The following GUCY1A2 variants were observed in gnomAD, a reference collection of about 807,000 sequenced individuals.
GUCY1A2 encodes the protein guanylate cyclase soluble subunit alpha-2.
A neutral mutation model predicts 63.5 loss-of-function variants in GUCY1A2; 27 were observed. The observed-to-expected ratio is 0.43, with a 90% CI of 0.31 to 0.59. GUCY1A2 has a LOEUF of 0.59. GUCY1A2 is among the 20% of genes least tolerant of loss of function. The pLI, the probability that GUCY1A2 is intolerant of heterozygous loss-of-function variation, is 0.11. For missense variants in GUCY1A2, 768 were observed against 913.3 expected (o/e 0.84, Z 2.05); for synonymous variants, 364 against 343.5 (o/e 1.06, Z -0.66).
rs1450182822 is a variant in GUCY1A2, at chr11:106,935,207, C to G, written c.1206+4253G>C. Among the ~76,000 whole-genome samples, 3 of 152,090 alleles carry G rather than the reference C, an allele frequency of 2.0e-5. No homozygotes were observed. In the East Asian group the frequency reaches 5.8e-4, roughly 29 times the overall value. ...CAATATTTCTCTAAAATTATCAAACCTACTGATACCTGGTGCTTTCATCTA... is the reference window on the plus strand; with the variant it reads ...CAATATTTCTCTAAAATTATCAAACGTACTGATACCTGGTGCTTTCATCTA... On this transcript the variant is annotated intron_variant, in intron 4 of 7. Coordinates refer to ENST00000526355, the MANE Select transcript of GUCY1A2 (RefSeq NM_000855.3).
chr11:106,894,814 A>G (rs1023316989), intron 4 of GUCY1A2, among the ~76,000 whole-genome samples: 1 of 152,180 alleles, frequency 6.6e-6, no homozygotes, highest in Non-Finnish European at 1.5e-5. Context: ...GAAAAGATCT[A>G]AGATCAATTA....
In GUCY1A2 at chr11:106,680,293, T is replaced by C. The variant is rs1434994252; in HGVS notation, c.*7256A>G. 2 of 206,044 alleles carry C rather than the reference T, an allele frequency of 9.7e-6. No individual in the cohort carries two copies. Among genetic ancestry groups the C allele is most frequent in the East Asian group, 7.4e-5 (1 of 13,472 alleles). 12.8% of individuals were successfully genotyped at this position (206,044 alleles called of 1,614,324 possible). On this transcript the variant is annotated 3_prime_UTR_variant, in exon 8 of 8. Coordinates refer to ENST00000526355, the MANE Select transcript of GUCY1A2 (RefSeq NM_000855.3). ...TATTACTTTCCTCTTAGATATAGGT[T>C]TAATGACATTTAATAGACCACAGTA... is the stretch of plus-strand genomic sequence containing the variant.
intron 1 of GUCY1A2, among the ~76,000 whole-genome samples, chr11:107,016,368 G>T (rs1388600662): frequency 6.6e-6 from 1 of 152,240 alleles, no homozygotes; most frequent in Non-Finnish European, 1.5e-5. Context: ...AATTCTGTCT[G>T]CAACAGAGTG....
At chr11:106,787,602 A>AGGGGGAGGGGGG (rs1565289927) in intron 5 of GUCY1A2, among the ~76,000 whole-genome samples, 7 of 39,944 alleles carry the variant, frequency 1.8e-4, no homozygotes, top group East Asian at 6.8e-4. Flanking sequence ...GGGAAGGGAA[A>AGGGGGAGGGGGG]AAGAGAAAGA....
chr11:106,890,073 C>T (rs567512268), intron 4 of GUCY1A2, among the ~76,000 whole-genome samples: 1 of 152,240 alleles, frequency 6.6e-6, no homozygotes, highest in African/African-American at 2.4e-5. Context: ...CTGGCCCATG[C>T]TGCCCTTTCT....
At chr11:106,985,985 G>A (rs1053868920) in intron 2 of GUCY1A2, 85 bp downstream of exon 2, 10 of 790,202 alleles carry the variant, frequency 1.3e-5, no homozygotes, top group Middle Eastern at 2.9e-4. Context: ...GACCTGGGTA[G>A]CAGAAAATCA....
At chr11:106,988,814 C>G (rs908675488) in intron 1 of GUCY1A2, among the ~76,000 whole-genome samples, 1 of 152,220 alleles carries the variant, frequency 6.6e-6, no homozygotes, top group Admixed American at 6.5e-5. Flanking sequence ...CTCCGAATAT[C>G]TTATCACCAT....
chr11:106,909,031 A>T (rs550870682), intron 4 of GUCY1A2, among the ~76,000 whole-genome samples: 1 of 152,162 alleles, frequency 6.6e-6, no homozygotes, highest in African/African-American at 2.4e-5. Context: ...TTTAAATACC[A>T]ACCAGGAATA....
chr11:106,876,290 A>G (rs1213669894), intron 4 of GUCY1A2, among the ~76,000 whole-genome samples: 2 of 152,076 alleles, frequency 1.3e-5, no homozygotes, highest in South Asian at 2.1e-4. Context: ...GGGAAAGACA[A>G]TGAGGAAGCA....
At chr11:106,833,280 C>A (rs768070462) in intron 4 of GUCY1A2, among the ~76,000 whole-genome samples, 5 of 152,036 alleles carry the variant, frequency 3.3e-5, no homozygotes, top group Admixed American at 6.6e-5. Context: ...AGGTTACATT[C>A]AGAGATACTG....
At chr11:106,825,588 A>G (rs1035956488) in intron 4 of GUCY1A2, among the ~76,000 whole-genome samples, 5 of 151,800 alleles carry the variant, frequency 3.3e-5, no homozygotes, top group Non-Finnish European at 7.4e-5. Context: ...TTCTTTTGAC[A>G]TAACTATCTT....
At chr11:106,946,577 T>A (rs1860832268) in intron 3 of GUCY1A2, among the ~76,000 whole-genome samples, 1 of 152,050 alleles carries the variant, frequency 6.6e-6, no homozygotes, top group Admixed American at 6.6e-5. Context: ...AGGGGCAATA[T>A]TAATATCAAC....
intron 1 of GUCY1A2, among the ~76,000 whole-genome samples, chr11:107,014,079 C>CTTTT (rs71044206): frequency 4.3e-4 from 30 of 70,018 alleles, no homozygotes; most frequent in African/African-American, 1.0e-3. Flanking sequence ...CCATGTTTTC[C>CTTTT]TTTTTTTTTT....
At chr11:106,926,908 T>G (rs771522489) in intron 4 of GUCY1A2, among the ~76,000 whole-genome samples, 6 of 151,014 alleles carry the variant, frequency 4.0e-5, no homozygotes, top group Non-Finnish European at 8.9e-5. Flanking sequence ...CTATTTTCTC[T>G]ATTTTTAAAC....
intron 4 of GUCY1A2, among the ~76,000 whole-genome samples, chr11:106,910,870 A>G (rs1337930015): frequency 1.3e-5 from 2 of 152,070 alleles, no homozygotes; most frequent in African/African-American, 4.8e-5. Flanking sequence ...AACCTACCCT[A>G]GCTAACATAA....
At chr11:106,762,721 C>T (rs1864087074) in intron 6 of GUCY1A2, among the ~76,000 whole-genome samples, 1 of 151,944 alleles carries the variant, frequency 6.6e-6, no homozygotes, top group African/African-American at 2.4e-5. Context: ...TTTTAATTGG[C>T]ATGAATTCTT....
At chr11:106,933,627 C>A (rs1860635153) in intron 4 of GUCY1A2, among the ~76,000 whole-genome samples, 1 of 152,122 alleles carries the variant, frequency 6.6e-6, no homozygotes, top group African/African-American at 2.4e-5. Flanking sequence ...TCATTCTACT[C>A]AAAAGACACT....
In GUCY1A2 at chr11:106,725,152, C is replaced by CTTTTTTTTTTTTTTTTTTTT. The variant is rs773251118; in HGVS notation, c.1837-16506_1837-16487dup. On this transcript the variant is annotated intron_variant, in intron 6 of 7. Transcript: ENST00000526355. ...ATGTATCTTCTTATTGACATAAATT[C>CTTTTTTTTTTTTTTTTTTTT]TTTTTTTTTTTTTTTTTTTTTTTTT... 8.7e-5 allele frequency among the ~76,000 whole-genome samples: 2 copies of CTTTTTTTTTTTTTTTTTTTT among 22,988 alleles called. 1 individual carries two copies. Among genetic ancestry groups the CTTTTTTTTTTTTTTTTTTTT allele is most frequent in the African/African-American group, 3.5e-4 (2 of 5,700 alleles). The allele number at this position is 22,988 out of a possible 152,430, so 15.1% of individuals were successfully genotyped here. A position where few individuals can be genotyped will look rare whatever the true frequency, so the allele number is the denominator to read the frequency against.
intron 6 of GUCY1A2, among the ~76,000 whole-genome samples, chr11:106,771,989 A>C (rs1195941493): frequency 2.6e-5 from 4 of 152,180 alleles, no homozygotes; most frequent in African/African-American, 7.2e-5. Flanking sequence ...TATAGTCCAG[A>C]AGTAGCCTCT....
Sources: allele counts gnomAD v4.1 joint callset (sites outside exome capture counted in the v4.1 genomes callset), GRCh38; gene constraint gnomAD v4.1.1; transcripts MANE v1.5; gene names NCBI Gene and HGNC (gene_info 2026-07-23, HGNC 2026-07-21).